Variants in ZNF654 observed in about 807,000 individuals in gnomAD.
ZNF654 encodes zinc finger protein 654.
A neutral mutation model predicts 95.3 loss-of-function variants in ZNF654; 19 were observed. That is an observed-to-expected ratio of 0.20 (90% CI 0.14 to 0.29). The LOEUF (loss-of-function observed/expected upper bound fraction) is 0.29, where lower values mean the gene tolerates loss of function less well. ZNF654 is among the 10% of genes least tolerant of loss of function. The pLI is 1.00. For synonymous variants in ZNF654, 413 were observed against 457.9 expected, an observed-to-expected ratio of 0.90 and a Z score of 1.25; for missense variants, 1,046 against 1,341.0, an observed-to-expected ratio of 0.78 and a Z score of 3.44.
chr3:88,063,344 C>G (rs1268587865), intron 1 of ZNF654, among the ~76,000 whole-genome samples: 2 of 152,094 alleles, frequency 1.3e-5, no homozygotes, highest in African/African-American at 4.8e-5. Context: ...TTTAATGATC[C>G]TCAAATAGTT....
At chr3:88,120,368 C>T (rs1183001969) in intron 3 of ZNF654, among the ~76,000 whole-genome samples, 1 of 152,136 alleles carries the variant, frequency 6.6e-6, no homozygotes, top group African/African-American at 2.4e-5. Context: ...ATACTGCTAT[C>T]TTGAGAGCTT....
At chr3:88,081,364 G>T (rs1708065482) in intron 1 of ZNF654, among the ~76,000 whole-genome samples, 1 of 152,030 alleles carries the variant, frequency 6.6e-6, no homozygotes, top group African/African-American at 2.4e-5. Flanking sequence ...TAAATGTCTT[G>T]GGGGAGATAC....
chr3:88,064,608 C>T (rs374619272), intron 1 of ZNF654, among the ~76,000 whole-genome samples: 4 of 152,246 alleles, frequency 2.6e-5, no homozygotes, highest in East Asian at 3.9e-4. Context: ...TGAGCTTGTT[C>T]CCAAACTCCC....
chr3:88,127,826 T>C (rs1409839920), intron 4 of ZNF654, among the ~76,000 whole-genome samples: 4 of 152,180 alleles, frequency 2.6e-5, no homozygotes, highest in African/African-American at 4.8e-5. Flanking sequence ...CTCATTGATA[T>C]GGATGACTTT....
At chr3:88,078,398 G>T (rs1707922519) in intron 1 of ZNF654, among the ~76,000 whole-genome samples, 1 of 152,106 alleles carries the variant, frequency 6.6e-6, no homozygotes, top group African/African-American at 2.4e-5. Flanking sequence ...AGGGAAAGCT[G>T]GTAGGGTATT....
chr3:88,082,867 C>T (rs1167461901), intron 1 of ZNF654, among the ~76,000 whole-genome samples: 1 of 152,158 alleles, frequency 6.6e-6, no homozygotes, highest in East Asian at 1.9e-4. Context: ...GTTCTGGAGG[C>T]TGGAAGTCCC....
In ZNF654 at chr3:88,100,163, C is replaced by T. The variant is rs143522802; in HGVS notation, c.333-12952C>T. Among the ~76,000 whole-genome samples the T allele has an allele frequency of 1.9e-3, 287 of 152,028 alleles. 2 individuals are homozygous for T. Among genetic ancestry groups the T allele is most frequent in the African/African-American group, 6.2e-3 (256 of 41,488 alleles). ...AACAACCCCATCAGAAAGTGGGTGC[C>T]GGATATGAACAGACACTTCTCAAAA... is the stretch of plus-strand genomic sequence containing the variant. On this transcript the variant is annotated intron_variant, in intron 2 of 8. Transcript: ENST00000636215.
At chr3:88,124,074 T>C (rs1223179673) in intron 3 of ZNF654, among the ~76,000 whole-genome samples, 1 of 152,204 alleles carries the variant, frequency 6.6e-6, no homozygotes, top group East Asian at 1.9e-4. Flanking sequence ...ATGCAGAAAT[T>C]TCATGCCAAG....
intron 1 of ZNF654, among the ~76,000 whole-genome samples, chr3:88,077,260 A>G (rs1287226448): frequency 6.6e-6 from 1 of 152,024 alleles, no homozygotes; most frequent in Non-Finnish European, 1.5e-5. Context: ...CAATATAGGC[A>G]GTGTGCTTTC....
intron 2 of ZNF654, among the ~76,000 whole-genome samples, chr3:88,089,326 C>G (rs1708515889): frequency 6.6e-6 from 1 of 151,044 alleles, no homozygotes; most frequent in Non-Finnish European, 1.5e-5. Context: ...CCTGTCTCTA[C>G]TAAAAATACA....
chr3:88,068,164 T>A (rs557660777), intron 1 of ZNF654, among the ~76,000 whole-genome samples: 99 of 152,064 alleles, frequency 6.5e-4, no homozygotes, highest in African/African-American at 2.3e-3. Flanking sequence ...ACCATTTGAA[T>A]TTGATCATTG....
In ZNF654 at chr3:88,059,330, A is replaced by G. The variant is rs915558810; in HGVS notation, c.11A>G (p.Glu4Gly). Reference protein sequence around the residue: MAEEESDQEAERLG... With the variant: MAEGESDQEAERLG... ...GGCGGCGAGAGCCTCATGGCGGAGG[A>G]AGAGAGCGACCAAGAGGCCGAACGC... is the stretch of plus-strand genomic sequence containing the variant. Residue 4 changes from glutamate (E) to glycine (G), a missense_variant, in exon 1 of 9, where the codon GAA becomes GGA. By Grantham distance (98) the Glu-to-Gly change is moderately conservative (BLOSUM62 -2). Coordinates refer to ENST00000636215, the MANE Select transcript of ZNF654 (RefSeq NM_001350134.2). 7.8e-6 allele frequency: 12 copies of G among 1,533,928 alleles called. No homozygotes were observed. The African/African-American group carries it at 1.2e-4, about 16-fold the overall frequency.
At chr3:88,104,913 C>A (rs1276551643) in intron 2 of ZNF654, among the ~76,000 whole-genome samples, 4 of 152,310 alleles carry the variant, frequency 2.6e-5, no homozygotes, top group African/African-American at 9.6e-5. Context: ...CCAAGGTGGG[C>A]AGATTACTTC....
At chr3:88,084,543 G>T (rs1342165859) in intron 1 of ZNF654, among the ~76,000 whole-genome samples, 1 of 152,138 alleles carries the variant, frequency 6.6e-6, no homozygotes, top group Non-Finnish European at 1.5e-5. Flanking sequence ...AGAGCCAGAC[G>T]AGATACAAGT....
chr3:88,141,246 A>G (rs1264858402), intron 8 of ZNF654, among the ~76,000 whole-genome samples, 198 bp downstream of exon 8: 2 of 152,110 alleles, frequency 1.3e-5, no homozygotes, highest in Non-Finnish European at 2.9e-5. Context: ...AGATCAAGCA[A>G]CTGAAATTCA....
intron 1 of ZNF654, among the ~76,000 whole-genome samples, chr3:88,064,109 C>T (rs9861763): frequency 2.7e-5 from 4 of 147,962 alleles, no homozygotes; most frequent in Non-Finnish European, 4.5e-5. Flanking sequence ...CGAGCTTCTT[C>T]TTTTTTTTTT....
intron 1 of ZNF654, among the ~76,000 whole-genome samples, chr3:88,071,155 G>T (rs538065995): frequency 6.6e-6 from 1 of 152,216 alleles, no homozygotes; most frequent in Non-Finnish European, 1.5e-5. Flanking sequence ...ACTATATTAT[G>T]CAGTTCCCCA....
chr3:88,071,284 C>T (rs1185874823), intron 1 of ZNF654, among the ~76,000 whole-genome samples: 5 of 152,112 alleles, frequency 3.3e-5, no homozygotes, highest in Non-Finnish European at 5.9e-5. Flanking sequence ...CCAAGGTGGG[C>T]GGATCACCTG....
At chr3:88,113,316 A>T in intron 3 of ZNF654, 120 bp downstream of exon 3, 1 of 554,334 alleles carries the variant, frequency 1.8e-6, no homozygotes, top group Non-Finnish European at 3.0e-6. Context: ...CTAAGGTGAC[A>T]GTGTTTAAGA....
Sources: gnomAD v4.1 joint callset for allele counts (sites outside exome capture counted in the v4.1 genomes callset) on GRCh38, gnomAD v4.1.1 for gene constraint, MANE v1.5 for transcripts, NCBI Gene and HGNC (gene_info 2026-07-23, HGNC 2026-07-21) for gene names.